EFNA3: variants seen among roughly 807,000 people sequenced by gnomAD.
EFNA3 encodes the protein ephrin-A3.
A neutral mutation model predicts 25.0 loss-of-function variants in EFNA3; 15 were observed. That is an observed-to-expected ratio of 0.60 (90% CI 0.40 to 0.92). The LOEUF is 0.92. Ranked by LOEUF, EFNA3 falls within the 40% of genes least tolerant of loss-of-function variation. EFNA3 has a pLI of 0.00. For synonymous variants in EFNA3, 153 were observed against 145.6 expected, an observed-to-expected ratio of 1.05 and a Z score of -0.37; for missense variants, 298 against 323.8, an observed-to-expected ratio of 0.92 and a Z score of 0.61.
At position 155,085,328 on chromosome 1, in the gene EFNA3, C is replaced by T. The variant is rs1663433464; in HGVS notation, c.366C>T (p.Phe122=). The T allele has an allele frequency of 6.2e-7, 1 of 1,613,110 alleles. No homozygotes were observed. Among genetic ancestry groups the T allele is most frequent in the Non-Finnish European group, 8.5e-7 (1 of 1,179,580 alleles). The change falls in exon 2 of 5, where the codon TTC becomes TTT. Residue 122 remains phenylalanine, a synonymous_variant. Coordinates refer to ENST00000368408, the MANE Select transcript of EFNA3 (RefSeq NM_004952.5). The surrounding 1 kb of genome is among the most constrained non-coding windows in gnomAD (Gnocchi z 4.4). ...ACGCCCCGCACAGCCCCATCAAGTT[C>T]TCGGAGAAGTTCCAGCGCTACAGCG... The part of the protein sequence containing the change: ...RPHAPHSPIK[F]SEKFQRYSAF...
Position 155,085,026 on chromosome 1 carries a change from G to C in EFNA3, c.129-65G>C. On this transcript the variant is annotated intron_variant, in intron 1 of 4. Coordinates refer to ENST00000368408, the MANE Select transcript of EFNA3 (RefSeq NM_004952.5). The surrounding 1 kb of genome is among the most constrained non-coding windows in gnomAD (Gnocchi z 4.4). Reference sequence around the variant, plus strand: ...GGACCCTGGGGAGGGGCTGCGGAGCGGTCAGATGGAAAGCGGCTTTGCTCT... The same window carrying C: ...GGACCCTGGGGAGGGGCTGCGGAGCCGTCAGATGGAAAGCGGCTTTGCTCT... The C allele has an allele frequency of 3.2e-6, 5 of 1,557,098 alleles. No homozygotes were observed. Among genetic ancestry groups the C allele is most frequent in the Non-Finnish European group, 4.4e-6 (5 of 1,141,794 alleles).
chr1:155,086,583 C>A lies in EFNA3; in HGVS notation c.*40C>A, dbSNP rs747516633. ...CTGGGGGGGGAGAGATGGGGCGGGGCTTGGAAGGAGCAGGGAGCCTTTGGC... is the reference window on the plus strand; with the variant it reads ...CTGGGGGGGGAGAGATGGGGCGGGGATTGGAAGGAGCAGGGAGCCTTTGGC... On this transcript the variant is annotated 3_prime_UTR_variant, in exon 5 of 5. Coordinates refer to ENST00000368408, the MANE Select transcript of EFNA3 (RefSeq NM_004952.5). 8 of 1,608,130 alleles carry A rather than the reference C, an allele frequency of 5.0e-6. No homozygotes were observed. The highest frequency in any genetic ancestry group is 5.9e-6 in the Non-Finnish European group (7 of 1,177,264).
rs139404791 is a variant in EFNA3 at position 155,085,173 on chromosome 1, G to T, written c.211G>T (p.Val71Leu). ...IYCPHYNSSG[V>L]GPGAGPGPGG... ...CTGCCCGCACTACAACAGCTCGGGGGTGGGCCCCGGGGCGGGACCGGGGCC... is the reference window on the plus strand; with the variant it reads ...CTGCCCGCACTACAACAGCTCGGGGTTGGGCCCCGGGGCGGGACCGGGGCC... The change falls in exon 2 of 5, where the codon GTG becomes TTG. Residue 71 changes from valine to leucine, a missense_variant. Physicochemically the swap from Val to Leu is conservative, Grantham distance 32. Transcript: ENST00000368408. This position sits in a 1 kb window ranked among gnomAD's most constrained non-coding sequence, Gnocchi z 4.4. 1 of 1,555,522 alleles carries T rather than the reference G, an allele frequency of 6.4e-7. No individual in the cohort carries two copies. The highest frequency in any genetic ancestry group is 1.7e-5 in the Admixed American group (1 of 57,938).
In EFNA3 at chr1:155,086,631, G is replaced by T; in HGVS notation, c.*88G>T. On this transcript the variant is annotated 3_prime_UTR_variant, in exon 5 of 5. Coordinates refer to ENST00000368408, the MANE Select transcript of EFNA3 (RefSeq NM_004952.5). The stretch of plus-strand genomic sequence containing the variant: ...GGCCTCTCCAAGGGAAGCCTAGTGG[G>T]CCTAGACCCCTCCTCCCATGGCTAG... 1.3e-6 allele frequency: 2 copies of T among 1,516,562 alleles called. No homozygotes were observed. The highest frequency in any genetic ancestry group is 1.4e-5 in the African/African-American group (1 of 72,160). The allele number at this position is 1,516,562 out of a possible 1,614,324, so 93.9% of individuals were successfully genotyped here. A position where few individuals can be genotyped will look rare whatever the true frequency, so the allele number is the denominator to read the frequency against.
At position 155,086,704 on chromosome 1, in the gene EFNA3, C is replaced by A; in HGVS notation, c.*161C>A. On this transcript the variant is annotated 3_prime_UTR_variant, in exon 5 of 5. Coordinates refer to ENST00000368408, the MANE Select transcript of EFNA3 (RefSeq NM_004952.5). ...CTGTGTCCGCCCCCTCTACCCCTTCCCCCCACGTAGGGCACTGTAGTGGAC... is the reference window on the plus strand; with the variant it reads ...CTGTGTCCGCCCCCTCTACCCCTTCACCCCACGTAGGGCACTGTAGTGGAC... The A allele has an allele frequency of 1.1e-6, 1 of 885,420 alleles. No individual in the cohort carries two copies. Among genetic ancestry groups the A allele is most frequent in the South Asian group, 1.7e-5 (1 of 57,734 alleles). The allele number at this position is 885,420 out of a possible 1,614,324, so 54.8% of individuals were successfully genotyped here. A position where few individuals can be genotyped will look rare whatever the true frequency, so the allele number is the denominator to read the frequency against.
rs142991726 is a variant in EFNA3, at chr1:155,080,470, C to T, written c.128+1401C>T. Among the ~76,000 whole-genome samples the T allele has an allele frequency of 1.9e-4, 29 of 152,158 alleles. No individual in the cohort carries two copies. Among genetic ancestry groups the T allele is most frequent in the African/African-American group, 6.7e-4 (28 of 41,520 alleles). Reference sequence around the variant, plus strand: ...CCCCGGAGCGGGACTCCAAGAACTCCGGGGGGCGCTGGGGGCTGACTTTCC... The same window carrying T: ...CCCCGGAGCGGGACTCCAAGAACTCTGGGGGGCGCTGGGGGCTGACTTTCC... On this transcript the variant is annotated intron_variant, in intron 1 of 4. Coordinates refer to ENST00000368408, the MANE Select transcript of EFNA3 (RefSeq NM_004952.5). The surrounding 1 kb of genome is among the most constrained non-coding windows in gnomAD (Gnocchi z 7.0).
At chr1:155,084,630 T>G (rs1359287992) in intron 1 of EFNA3, among the ~76,000 whole-genome samples, 4 of 152,188 alleles carry the variant, frequency 2.6e-5, no homozygotes, top group African/African-American at 9.7e-5. Flanking sequence ...TGTGCGTCCC[T>G]CGGAGGGGAT....
Position 155,085,519 on chromosome 1 carries a change from G to A in EFNA3, c.442+115G>A. Reference sequence around the variant, plus strand: ...GGCGCGGCGGGCGCCAGGTCTCGCGGCTGAGACCAGGGAGGAGGCGTGGGC... The same window carrying A: ...GGCGCGGCGGGCGCCAGGTCTCGCGACTGAGACCAGGGAGGAGGCGTGGGC... On this transcript the variant is annotated intron_variant, in intron 2 of 4. Coordinates refer to ENST00000368408, the MANE Select transcript of EFNA3 (RefSeq NM_004952.5). The surrounding 1 kb of genome is among the most constrained non-coding windows in gnomAD (Gnocchi z 4.4). 1 of 1,299,710 alleles carries A rather than the reference G, an allele frequency of 7.7e-7. No individual in the cohort carries two copies. Among genetic ancestry groups the A allele is most frequent in the Non-Finnish European group, 1.0e-6 (1 of 969,156 alleles). The allele number at this position is 1,299,710 out of a possible 1,614,324, so 80.5% of individuals were successfully genotyped here. A position where few individuals can be genotyped will look rare whatever the true frequency, so the allele number is the denominator to read the frequency against.
In EFNA3 at chr1:155,086,555, C is replaced by A. The variant is rs1334036654; in HGVS notation, c.*12C>A. 3 of 1,603,850 alleles carry A rather than the reference C, an allele frequency of 1.9e-6. No individual in the cohort carries two copies. In the South Asian group the frequency reaches 3.3e-5, roughly 18 times the overall value. ...TCTTGGCCTCCTAGCTCTGCCCCCTCCCCTGGGGGGGGAGAGATGGGGCGG... is the reference window on the plus strand; with the variant it reads ...TCTTGGCCTCCTAGCTCTGCCCCCTACCCTGGGGGGGGAGAGATGGGGCGG... On this transcript the variant is annotated 3_prime_UTR_variant, in exon 5 of 5. Transcript: ENST00000368408.
Position 155,078,879 on chromosome 1 carries a change from G to C in EFNA3, c.-63G>C, listed in dbSNP as rs1314395011. ...CGACGGCGGCGGCAGCAGGGAGCTG[G>C]GAAGCGGAGAAGCCGGGAGCGCGGG... On this transcript the variant is annotated 5_prime_UTR_variant, in exon 1 of 5. Transcript: ENST00000368408. The C allele has an allele frequency of 8.3e-6, 11 of 1,331,672 alleles. No individual in the cohort carries two copies. The highest frequency in any genetic ancestry group is 4.2e-5 in the Admixed American group (1 of 23,700). The allele number at this position is 1,331,672 out of a possible 1,614,324, so 82.5% of individuals were successfully genotyped here.
chr1:155,085,305 G>T lies in EFNA3; in HGVS notation c.343G>T (p.Ala115Ser). The T allele has an allele frequency of 1.2e-6, 2 of 1,612,900 alleles. No individual in the cohort carries two copies. The highest frequency in any genetic ancestry group is 1.7e-6 in the Non-Finnish European group (2 of 1,179,518). Residue 115 changes from alanine (A) to serine (S), a missense_variant, in exon 2 of 5, where the codon GCC (alanine) becomes TCC (serine). Ala to Ser is a moderately conservative substitution (Grantham distance 99). Transcript: ENST00000368408. This position sits in a 1 kb window ranked among gnomAD's most constrained non-coding sequence, Gnocchi z 4.4. ...GCGCTGGGAGTGCAACCGGCCGCAC[G>T]CCCCGCACAGCCCCATCAAGTTCTC... ...FKRWECNRPHAPHSPIKFSEK... is the reference protein window; with the variant it reads ...FKRWECNRPHSPHSPIKFSEK...
chr1:155,086,611 C>T lies in EFNA3; in HGVS notation c.*68C>T, dbSNP rs1571665400. 1.3e-6 allele frequency: 2 copies of T among 1,584,362 alleles called. No individual in the cohort carries two copies. Among genetic ancestry groups the T allele is most frequent in the East Asian group, 2.2e-5 (1 of 44,712 alleles). On this transcript the variant is annotated 3_prime_UTR_variant, in exon 5 of 5. Transcript: ENST00000368408. The stretch of plus-strand genomic sequence containing the variant: ...GGAAGGAGCAGGGAGCCTTTGGCCT[C>T]TCCAAGGGAAGCCTAGTGGGCCTAG...
At chr1:155,083,710 C>T (rs1478930849) in intron 1 of EFNA3, among the ~76,000 whole-genome samples, 1 of 152,182 alleles carries the variant, frequency 6.6e-6, no homozygotes, top group East Asian at 1.9e-4. Flanking sequence ...GAAGCCTCCA[C>T]GCTCATTTCT....
chr1:155,085,427 G>A lies in EFNA3; in HGVS notation c.442+23G>A. Reference sequence around the variant, plus strand: ...TCTGTGAGTGACGGCGGCCGGGCGGGCGGGTCTGAACGCGAGAGTCTGAGT... The same window carrying A: ...TCTGTGAGTGACGGCGGCCGGGCGGACGGGTCTGAACGCGAGAGTCTGAGT... On this transcript the variant is annotated intron_variant, in intron 2 of 4. Coordinates refer to ENST00000368408, the MANE Select transcript of EFNA3 (RefSeq NM_004952.5). The surrounding 1 kb of genome is among the most constrained non-coding windows in gnomAD (Gnocchi z 4.4). The A allele has an allele frequency of 6.5e-7, 1 of 1,540,798 alleles. No homozygotes were observed. The highest frequency in any genetic ancestry group is 8.8e-7 in the Non-Finnish European group (1 of 1,137,322).
At chr1:155,084,256 G>A (rs898859206) in intron 1 of EFNA3, among the ~76,000 whole-genome samples, 1 of 152,200 alleles carries the variant, frequency 6.6e-6, no homozygotes, top group Non-Finnish European at 1.5e-5. Context: ...GTCCCTTAGC[G>A]CCCTCATGTG....
Position 155,085,977 on chromosome 1 carries a change from C to T in EFNA3, c.508+35C>T, listed in dbSNP as rs1271937793. 6.3e-7 allele frequency: 1 copy of T among 1,590,868 alleles called. No individual in the cohort carries two copies. The highest frequency in any genetic ancestry group is 8.6e-7 in the Non-Finnish European group (1 of 1,169,230). On this transcript the variant is annotated intron_variant, in intron 3 of 4. Coordinates refer to ENST00000368408, the MANE Select transcript of EFNA3 (RefSeq NM_004952.5). The surrounding 1 kb of genome is among the most constrained non-coding windows in gnomAD (Gnocchi z 4.4). ...ATAGGCTCCGAGCCGCGCCCCCATCCTCAGCTCCCTGCTTTGGGGCTCCCC... is the reference window on the plus strand; with the variant it reads ...ATAGGCTCCGAGCCGCGCCCCCATCTTCAGCTCCCTGCTTTGGGGCTCCCC...
chr1:155,078,885 G>A lies in EFNA3; in HGVS notation c.-57G>A. On this transcript the variant is annotated 5_prime_UTR_variant, in exon 1 of 5. Coordinates refer to ENST00000368408, the MANE Select transcript of EFNA3 (RefSeq NM_004952.5). ...CGGCGGCAGCAGGGAGCTGGGAAGC[G>A]GAGAAGCCGGGAGCGCGGGGCTCAG... The A allele has an allele frequency of 1.5e-6, 2 of 1,335,412 alleles. No homozygotes were observed. The highest frequency in any genetic ancestry group is 1.6e-5 in the African/African-American group (1 of 64,504). 82.7% of individuals were successfully genotyped at this position (1,335,412 alleles called of 1,614,324 possible).
intron 1 of EFNA3, among the ~76,000 whole-genome samples, chr1:155,084,620 T>C (rs1299712377): frequency 6.6e-6 from 1 of 152,196 alleles, no homozygotes; most frequent in Non-Finnish European, 1.5e-5. Flanking sequence ...ATGGAGGGTG[T>C]GTGCGTCCCT....
Position 155,085,105 on chromosome 1 carries a change from G to A in EFNA3, c.143G>A (p.Gly48Asp), listed in dbSNP as rs1401945742. Residue 48 changes from glycine (G) to aspartate (D), a missense_variant, in exon 2 of 5, where the codon GGC becomes GAC. Coordinates refer to ENST00000368408, the MANE Select transcript of EFNA3 (RefSeq NM_004952.5). This position sits in a 1 kb window ranked among gnomAD's most constrained non-coding sequence, Gnocchi z 4.4. ...CTTCCCCACAGCCTGCGGCGAGAGGGCTACACCGTGCAGGTGAACGTGAAC... is the reference window on the plus strand; with the variant it reads ...CTTCCCCACAGCCTGCGGCGAGAGGACTACACCGTGCAGGTGAACGTGAAC... ...NSSNQHLRRE[G>D]YTVQVNVNDY... The A allele has an allele frequency of 6.2e-7, 1 of 1,613,674 alleles. No homozygotes were observed. The highest frequency in any genetic ancestry group is 8.5e-7 in the Non-Finnish European group (1 of 1,180,012).
Sources: allele counts gnomAD v4.1 joint callset (sites outside exome capture counted in the v4.1 genomes callset), GRCh38; gene constraint gnomAD v4.1.1; non-coding constraint Gnocchi (gnomAD v3.1); transcripts MANE v1.5; gene names NCBI Gene and HGNC (gene_info 2026-07-23, HGNC 2026-07-21).